APCDD1L: variants seen among roughly 807,000 people sequenced by gnomAD.
The protein encoded by APCDD1L is protein APCDD1-like.
APCDD1L carries 21 observed loss-of-function variants against 24.2 expected under a neutral mutation model. The observed-to-expected ratio is 0.87, with a 90% CI of 0.61 to 1.25. The LOEUF (loss-of-function observed/expected upper bound fraction) is 1.25. APCDD1L is among the 50% of genes most tolerant of loss of function. APCDD1L has a pLI of 0.00. For synonymous variants in APCDD1L, 321 were observed against 323.6 expected (o/e 0.99, Z 0.09); for missense variants, 704 against 711.7 (o/e 0.99, Z 0.12).
intron 1 of APCDD1L, among the ~76,000 whole-genome samples, chr20:58,502,902 G>A (rs1291855923): frequency 6.6e-6 from 1 of 152,066 alleles, no homozygotes; most frequent in Non-Finnish European, 1.5e-5. Flanking sequence ...GCTCTTACAG[G>A]GCTCTAGAGA....
chr20:58,479,593 CTTTTTTTTT>C (rs10580833), intron 1 of APCDD1L, among the ~76,000 whole-genome samples: 2 of 125,418 alleles, frequency 1.6e-5, no homozygotes, highest in Non-Finnish European at 3.5e-5. Context: ...TTAAGATTTG[CTTTTTTTTT>C]TTTTTTTTTT....
At position 58,478,979 on chromosome 20, in the gene APCDD1L, C is replaced by CA. The variant is rs201274882; in HGVS notation, c.50-8233dup. On this transcript the variant is annotated intron_variant, in intron 1 of 3. Coordinates refer to ENST00000371149, the MANE Select transcript of APCDD1L (RefSeq NM_153360.3). ...TGGATCTGGCCTAAGAAGCGAATGC[C>CA]AGGTGCTTTGCTTTAAAGCCTCTTT... is the stretch of plus-strand genomic sequence containing the variant. Among the ~76,000 whole-genome samples, 39 of 152,168 alleles carry CA rather than the reference C, an allele frequency of 2.6e-4. No individual in the cohort carries two copies. In the East Asian group the frequency reaches 7.4e-3, roughly 29 times the overall value.
chr20:58,464,779 A>G (rs1273875782), intron 3 of APCDD1L, among the ~76,000 whole-genome samples: 1 of 152,110 alleles, frequency 6.6e-6, no homozygotes, highest in African/African-American at 2.4e-5. Context: ...AGAGAGCTTA[A>G]GGCAACAACT....
At chr20:58,474,755 A>G (rs944342894) in intron 1 of APCDD1L, among the ~76,000 whole-genome samples, 11 of 152,184 alleles carry the variant, frequency 7.2e-5, no homozygotes, top group African/African-American at 1.7e-4. Flanking sequence ...CGTTTTAACC[A>G]TTTTAAAGTG....
intron 1 of APCDD1L, among the ~76,000 whole-genome samples, chr20:58,471,462 G>C (rs775586998): frequency 1.3e-5 from 2 of 152,240 alleles, no homozygotes; most frequent in Admixed American, 6.5e-5. Context: ...CAGACACCAG[G>C]GGGAGGAATT....
chr20:58,508,973 C>T lies in APCDD1L; in HGVS notation c.49+5686G>A, dbSNP rs7267726. ...GTGTGCATGTGTGTCTGTGTGCGCA[C>T]GTGTGTGTGCATGTGCATGCGTGTG... On this transcript the variant is annotated intron_variant, in intron 1 of 3. Coordinates refer to ENST00000371149, the MANE Select transcript of APCDD1L (RefSeq NM_153360.3). This position sits in a 1 kb window ranked among gnomAD's most constrained non-coding sequence, Gnocchi z 4.0. Among the ~76,000 whole-genome samples, 3,149 of 145,086 alleles carry T rather than the reference C, an allele frequency of 0.022. 107 individuals are homozygous for T. The highest frequency in any genetic ancestry group is 0.077 in the African/African-American group (2,994 of 38,672).
intron 3 of APCDD1L, among the ~76,000 whole-genome samples, chr20:58,465,769 A>G (rs1244444715): frequency 1.3e-5 from 2 of 152,212 alleles, no homozygotes; most frequent in Non-Finnish European, 2.9e-5. Flanking sequence ...ACCTTGTATG[A>G]CACTAACAGC....
At chr20:58,490,390 C>T (rs1264040029) in intron 1 of APCDD1L, among the ~76,000 whole-genome samples, 2 of 152,194 alleles carry the variant, frequency 1.3e-5, no homozygotes. Flanking sequence ...TCATGGTGCA[C>T]CTTCACACCA....
At chr20:58,471,143 C>T (rs1180984811) in intron 1 of APCDD1L, among the ~76,000 whole-genome samples, 1 of 152,182 alleles carries the variant, frequency 6.6e-6, no homozygotes, top group Non-Finnish European at 1.5e-5. Context: ...GACCCACGCT[C>T]CTGGACAAAG....
rs1990401928 is a variant in APCDD1L at position 58,500,058 on chromosome 20, A to C, written c.49+14601T>G. ...AGAGCTGGAGCCTAGAAAAACAAAAACAAATTCCAAAGTGCTCTACACTGA... is the reference window on the plus strand; with the variant it reads ...AGAGCTGGAGCCTAGAAAAACAAAACCAAATTCCAAAGTGCTCTACACTGA... On this transcript the variant is annotated intron_variant, in intron 1 of 3. Coordinates refer to ENST00000371149, the MANE Select transcript of APCDD1L (RefSeq NM_153360.3). Among the ~76,000 whole-genome samples the C allele has an allele frequency of 2.0e-5, 3 of 152,212 alleles. 1 individual carries two copies. Among genetic ancestry groups the C allele is most frequent in the Non-Finnish European group, 4.4e-5 (3 of 68,036 alleles).
Position 58,459,179 on chromosome 20 carries a change from C to T in APCDD1L, c.*1611G>A, listed in dbSNP as rs1410908772. 6.6e-6 allele frequency: 1 copy of T among 152,188 alleles called. No homozygotes were observed. Among genetic ancestry groups the T allele is most frequent in the Non-Finnish European group, 1.5e-5 (1 of 68,030 alleles). The allele number at this position is 152,188 out of a possible 1,614,324, so 9.4% of individuals were successfully genotyped here. A position where few individuals can be genotyped will look rare whatever the true frequency, so the allele number is the denominator to read the frequency against. ...GCATGGTTACTTCAAGCTTCGGATACAAGACCTGCTCAGCCGTGGACATAT... is the reference window on the plus strand; with the variant it reads ...GCATGGTTACTTCAAGCTTCGGATATAAGACCTGCTCAGCCGTGGACATAT... On this transcript the variant is annotated 3_prime_UTR_variant, in exon 4 of 4. Transcript: ENST00000371149.
At chr20:58,500,325 T>C (rs147192818) in intron 1 of APCDD1L, among the ~76,000 whole-genome samples, 1 of 152,304 alleles carries the variant, frequency 6.6e-6, no homozygotes, top group Non-Finnish European at 1.5e-5. Flanking sequence ...CACAACGGAT[T>C]CAGTCAGCAT....
chr20:58,485,272 T>C (rs1039743581), intron 1 of APCDD1L, among the ~76,000 whole-genome samples: 1 of 152,342 alleles, frequency 6.6e-6, no homozygotes, highest in Non-Finnish European at 1.5e-5. Flanking sequence ...TGAATATGCA[T>C]TAATATGTCA....
In APCDD1L at chr20:58,495,966, C is replaced by T. The variant is rs75935125; in HGVS notation, c.49+18693G>A. Among the ~76,000 whole-genome samples the T allele has an allele frequency of 3.3e-3, 497 of 152,294 alleles. 3 individuals carry two copies. The highest frequency in any genetic ancestry group is 0.011 in the African/African-American group (468 of 41,554). The stretch of plus-strand genomic sequence containing the variant: ...TGTGCCCACATCCCCCATCCTTGGC[C>T]TGAGTTACAGAGGGGGCGGTGGCTG... On this transcript the variant is annotated intron_variant, in intron 1 of 3. Coordinates refer to ENST00000371149, the MANE Select transcript of APCDD1L (RefSeq NM_153360.3).
At position 58,467,432 on chromosome 20, in the gene APCDD1L, G is replaced by A. The variant is rs1345797475; in HGVS notation, c.415C>T (p.Arg139Cys). 5 of 1,573,444 alleles carry A rather than the reference G, an allele frequency of 3.2e-6. No individual in the cohort carries two copies. The highest frequency in any genetic ancestry group is 1.8e-5 in the Admixed American group (1 of 54,098). The stretch of plus-strand genomic sequence containing the variant: ...CCGGTGACGTCGACCAGGGCCCGGC[G>A]GCTGTGGAAGACGATGCCCACCTTG... The part of the protein sequence containing the change: ...LHKVGIVFHS[R>C]RALVDVTGRL... The change falls in exon 3 of 4, where the codon CGC (arginine) becomes TGC (cysteine). Residue 139 changes from arginine (R) to cysteine (C), a missense_variant. Arg to Cys is a radical substitution (Grantham distance 180). Coordinates refer to ENST00000371149, the MANE Select transcript of APCDD1L (RefSeq NM_153360.3). The surrounding 1 kb of genome is among the most constrained non-coding windows in gnomAD (Gnocchi z 5.9).
chr20:58,478,058 T>A (rs1314444694), intron 1 of APCDD1L, among the ~76,000 whole-genome samples: 1 of 152,266 alleles, frequency 6.6e-6, no homozygotes, highest in South Asian at 2.1e-4. Context: ...CACATTACTA[T>A]CATTATTTAT....
At chr20:58,479,901 T>A (rs551880672) in intron 1 of APCDD1L, among the ~76,000 whole-genome samples, 5 of 152,256 alleles carry the variant, frequency 3.3e-5, no homozygotes, top group African/African-American at 1.2e-4. Flanking sequence ...TACTTTCCAA[T>A]GAAGTCACTG....
intron 1 of APCDD1L, among the ~76,000 whole-genome samples, chr20:58,506,972 C>A (rs902969963): frequency 6.6e-6 from 1 of 152,140 alleles, no homozygotes; most frequent in African/African-American, 2.4e-5. Flanking sequence ...GGCTTGCTGG[C>A]TGGATGACTT....
intron 1 of APCDD1L, among the ~76,000 whole-genome samples, chr20:58,471,653 C>T (rs990377145): frequency 1.3e-5 from 2 of 152,264 alleles, no homozygotes; most frequent in African/African-American, 2.4e-5. Context: ...CCAAAACCTT[C>T]AGCTGCTAAA....
Sources: allele counts gnomAD v4.1 joint callset (sites outside exome capture counted in the v4.1 genomes callset), GRCh38; gene constraint gnomAD v4.1.1; non-coding constraint Gnocchi (gnomAD v3.1); transcripts MANE v1.5; gene names NCBI Gene and HGNC (gene_info 2026-07-23, HGNC 2026-07-21).